The following UNC13B variants were observed in gnomAD, a reference collection of about 807,000 sequenced individuals.
The protein encoded by UNC13B is protein unc-13 homolog B.
UNC13B carries 144 observed loss-of-function variants against 211.0 expected under a neutral mutation model. That is an observed-to-expected ratio of 0.68 (90% CI 0.60 to 0.78). UNC13B has a LOEUF of 0.78. Ranked by LOEUF, UNC13B falls within the 30% of genes least tolerant of loss-of-function variation. The probability of loss-of-function intolerance (pLI) is 0.00; values close to 1 mark genes in which losing one functional copy is unlikely to be tolerated. For missense variants in UNC13B, 1,777 were observed against 2,002.0 expected (o/e 0.89, Z 2.14); for synonymous variants, 709 against 725.8 (o/e 0.98, Z 0.37).
chr9:35,376,309 G>A, intron 15 of UNC13B, 62 bp downstream of exon 15: 3 of 1,530,172 alleles, frequency 2.0e-6, no homozygotes, highest in East Asian at 4.5e-5. Flanking sequence ...AAAATAGTCT[G>A]CAGCAAAGAG....
At chr9:35,209,027 T>A (rs1379115864) in intron 1 of UNC13B, among the ~76,000 whole-genome samples, 1 of 152,156 alleles carries the variant, frequency 6.6e-6, no homozygotes, top group Non-Finnish European at 1.5e-5. Flanking sequence ...TAACAATATG[T>A]CTCCCTCACA....
chr9:35,403,716 C>T (rs540813178), intron 39 of UNC13B, 32 bp from the exon 40 acceptor site: 1 of 1,612,260 alleles, frequency 6.2e-7, no homozygotes, highest in South Asian at 1.1e-5. Flanking sequence ...AGACTCAACT[C>T]TGGCCTCATA....
At chr9:35,340,631 G>A (rs1201518560) in intron 11 of UNC13B, among the ~76,000 whole-genome samples, 3 of 152,180 alleles carry the variant, frequency 2.0e-5, no homozygotes, top group South Asian at 4.1e-4. Flanking sequence ...CCTGGTTTGG[G>A]CATGCTGGGT....
At chr9:35,396,440 G>A in intron 26 of UNC13B, 36 bp from the exon 27 acceptor site, 3 of 1,613,168 alleles carry the variant, frequency 1.9e-6, no homozygotes, top group Non-Finnish European at 2.5e-6. Context: ...GGCCTCTACT[G>A]CTGGGACCTG....
Position 35,382,507 on chromosome 9 carries a change from GGTAA to G in UNC13B, c.10806+4_10806+7del. ...ATCGCTTTGCAGCCTCCAACTTTGG[GGTAA>G]GTATCATGTAAACACATATGTCTGC... On this transcript the variant is annotated splice_donor_variant and splice_donor_region_variant and intron_variant, in intron 21 of 39. Coordinates refer to ENST00000635942, the MANE Select transcript of UNC13B (RefSeq NM_001371189.2). LOFTEE classifies it high-confidence loss of function. The G allele has an allele frequency of 6.2e-7, 1 of 1,611,280 alleles. No homozygotes were observed. Among genetic ancestry groups the G allele is most frequent in the Non-Finnish European group, 8.5e-7 (1 of 1,179,342 alleles).
At chr9:35,260,827 C>T (rs991426834) in intron 7 of UNC13B, among the ~76,000 whole-genome samples, 1 of 151,966 alleles carries the variant, frequency 6.6e-6, no homozygotes, top group Non-Finnish European at 1.5e-5. Context: ...TCTTTTAAAC[C>T]TTTTTCCACG....
chr9:35,266,703 A>C (rs1564103271), intron 7 of UNC13B, among the ~76,000 whole-genome samples: 1 of 152,320 alleles, frequency 6.6e-6, no homozygotes, highest in East Asian at 1.9e-4. Context: ...GCATTCAGTA[A>C]CAACATTCTG....
At chr9:35,380,770 G>T (rs1587735304) in intron 18 of UNC13B, 131 bp downstream of exon 18, 2 of 1,229,752 alleles carry the variant, frequency 1.6e-6, no homozygotes, top group East Asian at 4.8e-5. Flanking sequence ...CACCTGCAAA[G>T]AACTGACTGT....
chr9:35,353,535 C>A, intron 11 of UNC13B: 1 of 1,232,070 alleles, frequency 8.1e-7, no homozygotes, highest in South Asian at 4.1e-5. Flanking sequence ...GGAGAGCAAA[C>A]CCCTCAGGAT....
intron 13 of UNC13B, among the ~76,000 whole-genome samples, chr9:35,374,612 A>C (rs1264218712): frequency 6.6e-6 from 1 of 152,234 alleles, no homozygotes; most frequent in African/African-American, 2.4e-5. Context: ...TTCACTTGCC[A>C]AGTGCCCTAC....
chr9:35,174,779 G>C lies in UNC13B; in HGVS notation c.22+12474G>C, dbSNP rs558060770. On this transcript the variant is annotated intron_variant, in intron 1 of 39. Transcript: ENST00000635942. ...TTAGCCAGGATAGTCTCAATCTCCT[G>C]GTTCCACCGTGTTAGCCAGGATAGT... Among the ~76,000 whole-genome samples, 39 of 152,262 alleles carry C rather than the reference G, an allele frequency of 2.6e-4. No individual in the cohort carries two copies. In the South Asian group the frequency reaches 7.5e-3, roughly 29 times the overall value.
intron 11 of UNC13B, among the ~76,000 whole-genome samples, chr9:35,323,976 A>T (rs1410144865): frequency 2.0e-5 from 3 of 152,224 alleles, no homozygotes; most frequent in Admixed American, 6.5e-5. Context: ...AACCACATTT[A>T]TTGAATACTA....
intron 13 of UNC13B, among the ~76,000 whole-genome samples, chr9:35,371,459 C>T (rs995791440): frequency 2.0e-5 from 3 of 151,842 alleles, no homozygotes; most frequent in Non-Finnish European, 2.9e-5. Context: ...GGATTACAGG[C>T]GTGAGCCACC....
At chr9:35,334,944 A>T (rs1456796731) in intron 11 of UNC13B, among the ~76,000 whole-genome samples, 2 of 152,176 alleles carry the variant, frequency 1.3e-5, no homozygotes, top group East Asian at 3.9e-4. Context: ...AGGCTGAGAG[A>T]GGAGAATCAC....
chr9:35,353,461 T>C (rs1832843915), intron 11 of UNC13B: 3 of 1,232,088 alleles, frequency 2.4e-6, no homozygotes, highest in African/African-American at 3.1e-5. Flanking sequence ...TGGAGAGCCC[T>C]GGGAGTCAGG....
At chr9:35,397,810 T>A in intron 30 of UNC13B, 98 bp downstream of exon 30, 1 of 1,250,348 alleles carries the variant, frequency 8.0e-7, no homozygotes, top group Non-Finnish European at 1.1e-6. Context: ...GGGGTGACAC[T>A]CCTGATGCCT....
chr9:35,233,720 G>A (rs1176107545), intron 3 of UNC13B, among the ~76,000 whole-genome samples: 1 of 152,062 alleles, frequency 6.6e-6, no homozygotes, highest in Non-Finnish European at 1.5e-5. Flanking sequence ...TTTAGGATTA[G>A]ATTGTTCATT....
intron 11 of UNC13B, among the ~76,000 whole-genome samples, chr9:35,343,403 A>G (rs191915277): frequency 3.6e-4 from 55 of 152,294 alleles, no homozygotes; most frequent in Non-Finnish European, 6.9e-4. Context: ...TAAGTTTTCC[A>G]TGTGAAGGGG....
At position 35,313,947 on chromosome 9, in the gene UNC13B, T is replaced by C. The variant is rs1366768221; in HGVS notation, c.9372T>C (p.His3124=). The change falls in exon 11 of 40, where the codon CAT becomes CAC. Residue 3124 remains histidine (H), a synonymous_variant. Transcript: ENST00000635942. The part of the protein sequence containing the change: ...ASSPFTQARA[H]WIRAVTKVRL... ...CACCATTTACCCAAGCCAGAGCACA[T>C]TGGATCCGAGCAGTTACCAAGGTTC... The C allele has an allele frequency of 3.1e-6, 5 of 1,613,962 alleles. No individual in the cohort carries two copies. The highest frequency in any genetic ancestry group is 4.2e-6 in the Non-Finnish European group (5 of 1,179,892).
Sources: gnomAD v4.1 joint callset for allele counts (sites outside exome capture counted in the v4.1 genomes callset) on GRCh38, gnomAD v4.1.1 for gene constraint, MANE v1.5 for transcripts, NCBI Gene and HGNC (gene_info 2026-07-23, HGNC 2026-07-21) for gene names.